The following PPP1R9A variants were observed in gnomAD, a reference collection of about 807,000 sequenced individuals.
PPP1R9A encodes protein phosphatase 1 regulatory subunit 9A, also known as neurabin-1.
Under a neutral mutation model 141.9 loss-of-function variants are expected in PPP1R9A, and 59 were observed. The ratio of observed to expected loss-of-function variants is 0.42; its 90% CI spans 0.34 to 0.52. The LOEUF (loss-of-function observed/expected upper bound fraction) is 0.52. PPP1R9A is among the 20% of genes least tolerant of loss of function. PPP1R9A has a pLI of 0.10. For missense variants in PPP1R9A, 1,444 were observed against 1,611.9 expected (o/e 0.90, Z 1.78); for synonymous variants, 500 against 569.7 (o/e 0.88, Z 1.74).
At chr7:95,072,716 A>ATATTACATATTATATAT (rs1814053425) in intron 2 of PPP1R9A, among the ~76,000 whole-genome samples, 1 of 112,152 alleles carries the variant, frequency 8.9e-6, no homozygotes, top group African/African-American at 3.6e-5. Flanking sequence ...ATAATATATT[A>ATATTACATATTATATAT]TATGTATATT....
At chr7:95,258,451 C>A (rs935853853) in intron 12 of PPP1R9A, among the ~76,000 whole-genome samples, 10 of 152,172 alleles carry the variant, frequency 6.6e-5, no homozygotes, top group African/African-American at 2.4e-4. Flanking sequence ...CAAAAATTTT[C>A]TTCCATTCTG....
At chr7:95,079,156 G>C (rs1815362022) in intron 2 of PPP1R9A, among the ~76,000 whole-genome samples, 1 of 152,172 alleles carries the variant, frequency 6.6e-6, no homozygotes, top group Non-Finnish European at 1.5e-5. Flanking sequence ...ATTAATTTTT[G>C]TATAAGGTGT....
At chr7:95,130,523 A>G (rs1006819179) in intron 4 of PPP1R9A, among the ~76,000 whole-genome samples, 1 of 152,098 alleles carries the variant, frequency 6.6e-6, no homozygotes, top group African/African-American at 2.4e-5. Flanking sequence ...CAGAATTCCT[A>G]CTGGGGCACT....
intron 3 of PPP1R9A, among the ~76,000 whole-genome samples, chr7:95,114,676 A>G (rs1020163187): frequency 6.6e-6 from 1 of 152,166 alleles, no homozygotes; most frequent in South Asian, 2.1e-4. Context: ...ATGGACAGAA[A>G]ACAAAAATCA....
intron 7 of PPP1R9A, among the ~76,000 whole-genome samples, chr7:95,219,746 A>G (rs1365583195): frequency 6.6e-6 from 1 of 152,112 alleles, no homozygotes; most frequent in Non-Finnish European, 1.5e-5. Context: ...TCCTCTCAAT[A>G]TCCTATGAGA....
intron 2 of PPP1R9A, among the ~76,000 whole-genome samples, chr7:95,024,592 C>T (rs181461173): frequency 5.9e-5 from 9 of 151,968 alleles, no homozygotes; most frequent in Non-Finnish European, 1.0e-4. Context: ...AGAGTGGGAT[C>T]GCAACCTCTG....
intron 12 of PPP1R9A, among the ~76,000 whole-genome samples, chr7:95,265,245 A>G (rs928187668): frequency 2.0e-5 from 3 of 152,212 alleles, no homozygotes; most frequent in African/African-American, 7.2e-5. Flanking sequence ...CAAAGAAGGC[A>G]GAAGAATGTG....
intron 2 of PPP1R9A, among the ~76,000 whole-genome samples, chr7:95,040,093 G>A (rs1189188794): frequency 6.6e-6 from 1 of 152,122 alleles, no homozygotes; most frequent in Non-Finnish European, 1.5e-5. Flanking sequence ...GGATTTTGAA[G>A]CAAGGTTGCA....
chr7:94,960,515 C>A (rs1797515401), intron 2 of PPP1R9A, among the ~76,000 whole-genome samples: 1 of 151,612 alleles, frequency 6.6e-6, no homozygotes, highest in South Asian at 2.1e-4. Flanking sequence ...CTCCTGAAAC[C>A]CTTTTTGAAA....
intron 2 of PPP1R9A, among the ~76,000 whole-genome samples, chr7:95,089,041 C>T (rs935041867): frequency 6.6e-6 from 1 of 151,960 alleles, no homozygotes; most frequent in East Asian, 1.9e-4. Flanking sequence ...AGTGGAAGAG[C>T]AGATCTTCTG....
At chr7:95,014,684 TC>T (rs1804853062) in intron 2 of PPP1R9A, among the ~76,000 whole-genome samples, 1 of 152,084 alleles carries the variant, frequency 6.6e-6, no homozygotes. Context: ...ACCTGTTGAT[TC>T]TTGCATGACT....
At chr7:94,993,571 T>C (rs1455944774) in intron 2 of PPP1R9A, among the ~76,000 whole-genome samples, 1 of 152,208 alleles carries the variant, frequency 6.6e-6, no homozygotes, top group African/African-American at 2.4e-5. Context: ...CTCTCAGCAG[T>C]GCTTTCTAGT....
Position 94,910,208 on chromosome 7 carries a change from G to A in PPP1R9A, c.95G>A (p.Ser32Asn). The A allele has an allele frequency of 6.2e-6, 10 of 1,614,098 alleles. No individual in the cohort carries two copies. Among genetic ancestry groups the A allele is most frequent in the Non-Finnish European group, 8.5e-6 (10 of 1,180,004 alleles). Residue 32 changes from serine (S) to asparagine (N), a missense_variant, in exon 2 of 20, where the codon AGT becomes AAT. Physicochemically the swap from Ser to Asn is conservative, Grantham distance 46. Around this residue, in one of 5 missense-constraint regions of PPP1R9A, gnomAD observed 490 missense variants for 521.1 expected, o/e 0.94. Transcript: ENST00000433360. This position sits in a 1 kb window ranked among gnomAD's most constrained non-coding sequence, Gnocchi z 4.5. ...AYRTEFQALK[S>N]TFDKPKSDGE... is the part of the protein sequence containing the mutation. ...CGAACTGAGTTTCAGGCACTGAAAA[G>A]TACCTTTGACAAACCCAAGTCAGAT... is the stretch of plus-strand genomic sequence containing the variant.
intron 5 of PPP1R9A, among the ~76,000 whole-genome samples, chr7:95,175,499 TAA>T (rs201164911): frequency 1.4e-5 from 2 of 144,258 alleles, no homozygotes; most frequent in African/African-American, 2.5e-5. Flanking sequence ...CCTTTGCCTT[TAA>T]AAAAAAAAAA....
At chr7:95,288,243 C>A (rs1037305500) in intron 18 of PPP1R9A, among the ~76,000 whole-genome samples, 6 of 152,172 alleles carry the variant, frequency 3.9e-5, no homozygotes, top group African/African-American at 1.4e-4. Context: ...ATCTTATAAT[C>A]TGTCCAGACT....
At chr7:94,990,688 C>T (rs979687998) in intron 2 of PPP1R9A, among the ~76,000 whole-genome samples, 1 of 151,930 alleles carries the variant, frequency 6.6e-6, no homozygotes, top group Non-Finnish European at 1.5e-5. Context: ...TAACAAATCT[C>T]TCCCTTTCCC....
At chr7:95,091,590 C>T (rs990730673) in intron 2 of PPP1R9A, among the ~76,000 whole-genome samples, 2 of 151,698 alleles carry the variant, frequency 1.3e-5, no homozygotes, top group Admixed American at 6.6e-5. Context: ...GTGATCTGCC[C>T]GTCTTGGCCT....
Position 95,041,376 on chromosome 7 carries a change from T to C in PPP1R9A, c.1396-69883T>C, listed in dbSNP as rs192618388. 3.9e-5 allele frequency among the ~76,000 whole-genome samples: 6 copies of C among 152,342 alleles called. No homozygotes were observed. The South Asian group carries it at 1.0e-3, about 26-fold the overall frequency. On this transcript the variant is annotated intron_variant, in intron 2 of 19. Coordinates refer to ENST00000433360, the MANE Select transcript of PPP1R9A (RefSeq NM_001166160.2). ...AGGAGAAAAAAAGATTTTAATCATG[T>C]TTCTGGAAACTTGCATTGGTAGAAT...
At chr7:95,038,122 A>T (rs78426962) in intron 2 of PPP1R9A, among the ~76,000 whole-genome samples, 1 of 151,764 alleles carries the variant, frequency 6.6e-6, no homozygotes, top group Non-Finnish European at 1.5e-5. Flanking sequence ...AAAAAAAAAA[A>T]AGACGTTATT....
Sources: gnomAD v4.1 joint callset for allele counts (sites outside exome capture counted in the v4.1 genomes callset) on GRCh38, gnomAD v4.1.1 for gene constraint, gnomAD v4.1.1 regional missense constraint, Gnocchi (gnomAD v3.1) non-coding constraint, MANE v1.5 for transcripts, NCBI Gene and HGNC (gene_info 2026-07-23, HGNC 2026-07-21) for gene names.